The following SYT12 variants were observed in gnomAD, a reference collection of about 807,000 sequenced individuals.
The protein encoded by SYT12 is synaptotagmin-12.
In SYT12, 27 loss-of-function variants were observed where a neutral mutation model predicts 39.5. The ratio of observed to expected loss-of-function variants is 0.68; its 90% CI spans 0.50 to 0.94. The LOEUF (loss-of-function observed/expected upper bound fraction) is 0.94. Among genes scored for constraint, SYT12 ranks in the 40% least tolerant of loss-of-function variants. The pLI, the probability that SYT12 is intolerant of heterozygous loss-of-function variation, is 0.00. For missense variants in SYT12, 536 were observed against 572.6 expected, an observed-to-expected ratio of 0.94 and a Z score of 0.65; for synonymous variants, 233 against 239.7, an observed-to-expected ratio of 0.97 and a Z score of 0.26.
intron 1 of SYT12, among the ~76,000 whole-genome samples, chr11:67,025,603 C>T (rs1353483047): frequency 6.6e-6 from 1 of 152,130 alleles, no homozygotes; most frequent in Non-Finnish European, 1.5e-5. Flanking sequence ...TGGCAGACCT[C>T]CAGGCTGCCA....
intron 3 of SYT12, among the ~76,000 whole-genome samples, chr11:67,013,000 A>C (rs1264639435): frequency 9.9e-5 from 15 of 152,142 alleles, no homozygotes; most frequent in Admixed American, 9.8e-4. Flanking sequence ...TCTGCCCGTC[A>C]TTCCTGAGTT....
intron 7 of SYT12, among the ~76,000 whole-genome samples, chr11:67,047,217 G>T (rs957708101): frequency 6.6e-6 from 1 of 151,276 alleles, no homozygotes; most frequent in African/African-American, 2.4e-5. Context: ...CACCCACTTC[G>T]GCCTTCCAAA....
chr11:67,017,553 GT>G (rs1950067995), intron 3 of SYT12, among the ~76,000 whole-genome samples: 1 of 151,490 alleles, frequency 6.6e-6, no homozygotes, highest in Admixed American at 6.6e-5. Flanking sequence ...TAGAGATGGG[GT>G]TTCCCCATTG....
chr11:67,009,157 T>A (rs1473452286), intron 1 of SYT12, among the ~76,000 whole-genome samples: 1 of 151,988 alleles, frequency 6.6e-6, no homozygotes, highest in South Asian at 2.1e-4. Flanking sequence ...AGGCATGTGC[T>A]ACCACGCCTA....
At chr11:67,021,334 TG>T (rs1950107741), upstream of SYT12, among the ~76,000 whole-genome samples, 1 of 152,022 alleles carries the variant, frequency 6.6e-6, no homozygotes, top group African/African-American at 2.4e-5. Flanking sequence ...TTTTTTTTTT[TG>T]TTTGTTTGAG....
At chr11:67,042,152 A>C (rs372867271) in intron 4 of SYT12, among the ~76,000 whole-genome samples, 20 of 152,128 alleles carry the variant, frequency 1.3e-4, no homozygotes, top group African/African-American at 4.6e-4. Context: ...TAGCAGTATG[A>C]TCTTGGTTAA....
intron 1 of SYT12, among the ~76,000 whole-genome samples, chr11:67,007,976 CAG>C (rs1949984499): frequency 6.9e-6 from 1 of 143,940 alleles, no homozygotes; most frequent in Non-Finnish European, 1.5e-5. Context: ...TTTTTTAAGA[CAG>C]AGTCTCGCTC....
At chr11:67,035,911 C>A (rs1950372192) in intron 3 of SYT12, among the ~76,000 whole-genome samples, 1 of 126,000 alleles carries the variant, frequency 7.9e-6, no homozygotes, top group African/African-American at 3.0e-5. Context: ...TCCTTCCTTC[C>A]TTCCTTTCTT....
Position 67,044,694 on chromosome 11 carries a change from C to A in SYT12, c.939C>A (p.Thr313=). ...TTAAGGCCAAGAACCTCATCTGGAC[C>A]AACGACAAGACCACAGCGGGTAAGG... ...VVVKAKNLIW[T]NDKTTADPFV... The change falls in exon 6 of 8, where the codon ACC becomes ACA. Residue 313 remains threonine, a synonymous_variant. Transcript: ENST00000527043. The A allele has an allele frequency of 6.2e-7, 1 of 1,613,716 alleles. No individual in the cohort carries two copies. The highest frequency in any genetic ancestry group is 8.5e-7 in the Non-Finnish European group (1 of 1,179,968).
chr11:67,044,745 C>T (rs755983585), intron 6 of SYT12, 32 bp downstream of exon 6: 75 of 1,611,628 alleles, frequency 4.7e-5, no homozygotes, highest in East Asian at 2.2e-4. Context: ...GGCTCCTCCA[C>T]GTAGCTCAGT....
At chr11:67,039,076 G>A (rs1013889338) in intron 3 of SYT12, among the ~76,000 whole-genome samples, 1 of 150,710 alleles carries the variant, frequency 6.6e-6, no homozygotes, top group African/African-American at 2.4e-5. Context: ...GGCCGAGGCA[G>A]GCAGATCACC....
At position 67,044,628 on chromosome 11, in the gene SYT12, C is replaced by T. The variant is rs769405384; in HGVS notation, c.873C>T (p.Leu291=). 6.2e-7 allele frequency: 1 copy of T among 1,613,362 alleles called. No homozygotes were observed. The highest frequency in any genetic ancestry group is 8.5e-7 in the Non-Finnish European group (1 of 1,179,992). ...ADAVGEILLS[L]SYLPTAERLT... ...CTGTGGGGGAGATCCTGCTCTCCCT[C>T]AGCTACCTCCCCACAGCCGAGCGCC... is the stretch of plus-strand genomic sequence containing the variant. The change falls in exon 6 of 8, where the codon CTC becomes CTT. Residue 291 remains leucine, a synonymous_variant. Coordinates refer to ENST00000527043, the MANE Select transcript of SYT12 (RefSeq NM_177963.4).
intron 2 of SYT12, among the ~76,000 whole-genome samples, chr11:67,034,041 G>A (rs904456897): frequency 1.3e-5 from 2 of 152,076 alleles, no homozygotes; most frequent in African/African-American, 4.8e-5. Flanking sequence ...TGTTTGTTTT[G>A]GTAAGAGATT....
At chr11:67,008,394 C>A (rs183088988) in intron 1 of SYT12, among the ~76,000 whole-genome samples, 40 of 152,202 alleles carry the variant, frequency 2.6e-4, no homozygotes, top group African/African-American at 9.6e-4. Context: ...GGCTACATTT[C>A]TTCTTTTTTT....
intron 3 of SYT12, among the ~76,000 whole-genome samples, chr11:67,017,351 A>T (rs1950066398): frequency 6.8e-6 from 1 of 146,626 alleles, no homozygotes; most frequent in Non-Finnish European, 1.5e-5. Context: ...GGGAGACCCC[A>T]TTTCTACAAT....
intron 7 of SYT12, 124 bp from the exon 8 acceptor site, chr11:67,048,460 T>G (rs1590660491): frequency 1.0e-6 from 1 of 1,003,418 alleles, no homozygotes; most frequent in Non-Finnish European, 1.4e-6. Context: ...AGATCAGAGG[T>G]GAGGATTCAG....
At chr11:67,042,001 C>G (rs1320440208) in intron 4 of SYT12, among the ~76,000 whole-genome samples, 1 of 152,160 alleles carries the variant, frequency 6.6e-6, no homozygotes, top group African/African-American at 2.4e-5. Context: ...GTGGGGATAG[C>G]CTGTGAGCAG....
intron 7 of SYT12, 32 bp downstream of exon 7, chr11:67,045,909 G>C: frequency 6.2e-7 from 1 of 1,612,864 alleles, no homozygotes; most frequent in Non-Finnish European, 8.5e-7. Flanking sequence ...GAAGGGGCCA[G>C]GTCACCCCAG....
At chr11:67,042,315 G>T (rs114467173) in intron 4 of SYT12, among the ~76,000 whole-genome samples, 1 of 152,232 alleles carries the variant, frequency 6.6e-6, no homozygotes, top group East Asian at 1.9e-4. Context: ...AGCTCCTGTC[G>T]TGCCCAGCCA....
Sources: allele counts gnomAD v4.1 joint callset (sites outside exome capture counted in the v4.1 genomes callset), GRCh38; gene constraint gnomAD v4.1.1; transcripts MANE v1.5; gene names NCBI Gene and HGNC (gene_info 2026-07-23, HGNC 2026-07-21).